Variants in CNTNAP2 observed in about 807,000 individuals in gnomAD.
The protein encoded by CNTNAP2 is contactin associated protein 2, also known as contactin-associated protein-like 2.
In CNTNAP2, 98 loss-of-function variants were observed where a neutral mutation model predicts 155.2. The ratio of observed to expected loss-of-function variants is 0.63; its 90% CI spans 0.54 to 0.75. The LOEUF is 0.75. CNTNAP2 is among the 30% of genes least tolerant of loss of function. The pLI is 0.00. For missense variants in CNTNAP2, 1,727 were observed against 1,688.1 expected, an observed-to-expected ratio of 1.02 and a Z score of -0.40; for synonymous variants, 651 against 631.2, an observed-to-expected ratio of 1.03 and a Z score of -0.47.
chr7:147,411,775 C>T (rs1383517853), intron 10 of CNTNAP2, among the ~76,000 whole-genome samples: 3 of 152,080 alleles, frequency 2.0e-5, no homozygotes, highest in Non-Finnish European at 2.9e-5. Context: ...CTGAGAATTA[C>T]AGTTTCATTC....
At chr7:146,667,300 A>G (rs2907673) in intron 1 of CNTNAP2, among the ~76,000 whole-genome samples, 123,000 of 152,070 alleles carry the variant, frequency 0.81, 50,352 homozygotes, top group South Asian at 0.91. Flanking sequence ...GTAGATACAC[A>G]GATTAGTTTT....
At chr7:148,352,549 G>A (rs1798445550) in intron 21 of CNTNAP2, among the ~76,000 whole-genome samples, 1 of 152,172 alleles carries the variant, frequency 6.6e-6, no homozygotes, top group South Asian at 2.1e-4. Flanking sequence ...TATATTTGTG[G>A]GGACCCTTAA....
chr7:146,655,947 G>A (rs912021363), intron 1 of CNTNAP2, among the ~76,000 whole-genome samples: 2 of 152,166 alleles, frequency 1.3e-5, no homozygotes, highest in Non-Finnish European at 2.9e-5. Flanking sequence ...AAAAAAAAAT[G>A]GGATAGGTTT....
Position 146,195,732 on chromosome 7 carries a change from G to A in CNTNAP2, c.97+78759G>A, listed in dbSNP as rs528756701. On this transcript the variant is annotated intron_variant, in intron 1 of 23. Coordinates refer to ENST00000361727, the MANE Select transcript of CNTNAP2 (RefSeq NM_014141.6). ...CCAGCCCAGCAGATACTGAGATACTGACTGCACTCCTGCCAATGGAAGACC... is the reference window on the plus strand; with the variant it reads ...CCAGCCCAGCAGATACTGAGATACTAACTGCACTCCTGCCAATGGAAGACC... Among the ~76,000 whole-genome samples, 5 of 152,304 alleles carry A rather than the reference G, an allele frequency of 3.3e-5. No individual in the cohort carries two copies. In the East Asian group the frequency reaches 7.7e-4, roughly 24 times the overall value.
At chr7:147,932,204 T>C (rs989387504) in intron 14 of CNTNAP2, among the ~76,000 whole-genome samples, 21 of 152,136 alleles carry the variant, frequency 1.4e-4, no homozygotes, top group Non-Finnish European at 2.2e-4. Flanking sequence ...TTTACAGAAA[T>C]AGAAAAAACA....
rs546707095 is a variant in CNTNAP2 at position 147,309,664 on chromosome 7, C to G, written c.1498+9374C>G. 1.8e-3 allele frequency among the ~76,000 whole-genome samples: 267 copies of G among 152,222 alleles called. 1 individual carries two copies. The highest frequency in any genetic ancestry group is 6.2e-3 in the African/African-American group (258 of 41,554). ...GTACCTGATTATGCAAAAACAACTCCTTGTCCTTGAAAATATTCAAATCAA... is the reference window on the plus strand; with the variant it reads ...GTACCTGATTATGCAAAAACAACTCGTTGTCCTTGAAAATATTCAAATCAA... On this transcript the variant is annotated intron_variant, in intron 9 of 23. Coordinates refer to ENST00000361727, the MANE Select transcript of CNTNAP2 (RefSeq NM_014141.6).
chr7:148,368,146 T>A (rs1798819492), intron 21 of CNTNAP2, among the ~76,000 whole-genome samples: 2 of 152,220 alleles, frequency 1.3e-5, no homozygotes, highest in Admixed American at 1.3e-4. Flanking sequence ...CTGGCTCAGA[T>A]TAGCTTTGTT....
chr7:147,069,651 A>G (rs1029274906), intron 4 of CNTNAP2, among the ~76,000 whole-genome samples: 5 of 152,232 alleles, frequency 3.3e-5, no homozygotes, highest in Non-Finnish European at 7.3e-5. Context: ...GAGTAAAGAT[A>G]TAAAAGCTGG....
chr7:147,772,406 A>T (rs186563467), intron 13 of CNTNAP2, among the ~76,000 whole-genome samples: 3,485 of 139,086 alleles, frequency 0.025, 106 homozygotes, highest in South Asian at 0.13. Context: ...TCTAAAAAAA[A>T]AAATATATAT....
At chr7:147,079,077 A>G (rs1800058263) in intron 4 of CNTNAP2, among the ~76,000 whole-genome samples, 1 of 152,060 alleles carries the variant, frequency 6.6e-6, no homozygotes. Context: ...GTCAAACCTT[A>G]ATTTAGTCTG....
At chr7:147,500,093 T>TAAA (rs72064204) in intron 11 of CNTNAP2, among the ~76,000 whole-genome samples, 991 of 76,296 alleles carry the variant, frequency 0.013, 10 homozygotes, top group Middle Eastern at 0.015. Context: ...AGATTTTTTT[T>TAAA]TAAAAAAACT....
In CNTNAP2 at chr7:146,632,186, G is replaced by A. The variant is rs1799521765; in HGVS notation, c.98-142085G>A. Among the ~76,000 whole-genome samples the A allele has an allele frequency of 3.9e-5, 6 of 152,176 alleles. No homozygotes were observed. The South Asian group carries it at 1.2e-3, about 32-fold the overall frequency. ...AGGAGGAATGGGTTTGACTGAATCA[G>A]GAAACCTTAGTGGATTCTTAGTGAT... is the stretch of plus-strand genomic sequence containing the variant. On this transcript the variant is annotated intron_variant, in intron 1 of 23. Coordinates refer to ENST00000361727, the MANE Select transcript of CNTNAP2 (RefSeq NM_014141.6).
chr7:147,625,892 C>T (rs1459867631), intron 12 of CNTNAP2, among the ~76,000 whole-genome samples: 33 of 152,108 alleles, frequency 2.2e-4, no homozygotes, highest in Admixed American at 2.2e-3. Context: ...CCTGAAAATC[C>T]AGATCATGAG....
chr7:147,861,580 G>A (rs1001296518), intron 13 of CNTNAP2, among the ~76,000 whole-genome samples: 1 of 152,070 alleles, frequency 6.6e-6, no homozygotes, highest in Non-Finnish European at 1.5e-5. Flanking sequence ...CCAATTAGAA[G>A]AGAAAAGAAT....
At chr7:146,441,572 A>G (rs1183682674) in intron 1 of CNTNAP2, among the ~76,000 whole-genome samples, 1 of 151,438 alleles carries the variant, frequency 6.6e-6, no homozygotes, top group Non-Finnish European at 1.5e-5. Context: ...AGATGAGTTC[A>G]TTGGCCTAAA....
In CNTNAP2 at chr7:148,248,118, C is replaced by T. The variant is rs570562243; in HGVS notation, c.3381+18339C>T. On this transcript the variant is annotated intron_variant, in intron 20 of 23. Transcript: ENST00000361727. ...TATCCCAGAAGGTTCCCCTGGGCCC[C>T]TTTCCCACCCACCATTGCCCCCAAG... Among the ~76,000 whole-genome samples, 7 of 152,234 alleles carry T rather than the reference C, an allele frequency of 4.6e-5. No individual in the cohort carries two copies. In the South Asian group the frequency reaches 1.5e-3, roughly 32 times the overall value.
intron 4 of CNTNAP2, among the ~76,000 whole-genome samples, chr7:147,098,961 T>C (rs1374236254): frequency 6.6e-6 from 1 of 152,158 alleles, no homozygotes; most frequent in East Asian, 1.9e-4. Context: ...CTTTTATTAC[T>C]GTGGCAGGCC....
chr7:146,772,949 G>A (rs1367947722), intron 1 of CNTNAP2, among the ~76,000 whole-genome samples: 1 of 152,162 alleles, frequency 6.6e-6, no homozygotes, highest in Non-Finnish European at 1.5e-5. Context: ...GGGAAGCAGG[G>A]AGACCACACA....
At chr7:147,661,048 C>T (rs1039065916) in intron 13 of CNTNAP2, among the ~76,000 whole-genome samples, 3 of 152,054 alleles carry the variant, frequency 2.0e-5, no homozygotes. Flanking sequence ...TGCTGTCCTG[C>T]CTATGGCTAT....
Sources: gnomAD v4.1 joint callset for allele counts (sites outside exome capture counted in the v4.1 genomes callset) on GRCh38, gnomAD v4.1.1 for gene constraint, MANE v1.5 for transcripts, NCBI Gene and HGNC (gene_info 2026-07-23, HGNC 2026-07-21) for gene names.